TBCEL: variants seen among roughly 807,000 people sequenced by gnomAD.
The protein encoded by TBCEL is tubulin-specific chaperone cofactor E-like protein.
TBCEL carries 15 observed loss-of-function variants against 44.2 expected under a neutral mutation model. The observed-to-expected ratio is 0.34, with a 90% CI of 0.23 to 0.52. TBCEL has a LOEUF of 0.52. Among genes scored for constraint, TBCEL ranks in the 20% least tolerant of loss-of-function variants. The pLI, the probability that TBCEL is intolerant of heterozygous loss-of-function variation, is 0.95. For synonymous variants in TBCEL, 171 were observed against 185.4 expected (o/e 0.92, Z 0.63); for missense variants, 319 against 506.3 (o/e 0.63, Z 3.55).
At chr11:121,076,350 A>T (rs556564451) in intron 8 of TBCEL, among the ~76,000 whole-genome samples, 5 of 151,950 alleles carry the variant, frequency 3.3e-5, no homozygotes, top group South Asian at 2.1e-4. Flanking sequence ...TATTTTTTTT[A>T]AAAATGGTGT....
chr11:121,048,187 T>G (rs1945467614), intron 4 of TBCEL, among the ~76,000 whole-genome samples: 2 of 151,874 alleles, frequency 1.3e-5, no homozygotes, highest in Non-Finnish European at 2.9e-5. Flanking sequence ...CTACTTCTAC[T>G]TCAATATTTA....
At chr11:121,056,541 G>C (rs1018461457) in intron 6 of TBCEL, among the ~76,000 whole-genome samples, 1 of 151,766 alleles carries the variant, frequency 6.6e-6, no homozygotes, top group Non-Finnish European at 1.5e-5. Flanking sequence ...ATTATGATTA[G>C]TTTTATAAGA....
At chr11:121,060,834 T>G (rs1341438341) in intron 8 of TBCEL, among the ~76,000 whole-genome samples, 4 of 151,984 alleles carry the variant, frequency 2.6e-5, no homozygotes, top group Admixed American at 2.0e-4. Context: ...CCCATTTGAC[T>G]GGAGGAGTTT....
chr11:121,070,131 T>G (rs1945900603), intron 8 of TBCEL, among the ~76,000 whole-genome samples: 1 of 152,032 alleles, frequency 6.6e-6, no homozygotes, highest in African/African-American at 2.4e-5. Flanking sequence ...ATCAGAGAAA[T>G]GCAAATCAAA....
chr11:121,086,338 T>A (rs1436782168), intron 8 of TBCEL, among the ~76,000 whole-genome samples: 1 of 152,214 alleles, frequency 6.6e-6, no homozygotes, highest in Non-Finnish European at 1.5e-5. Flanking sequence ...ATGTTTTTGT[T>A]TATAAGTTAT....
chr11:121,037,405 A>G (rs924599852), intron 2 of TBCEL, among the ~76,000 whole-genome samples: 4 of 152,346 alleles, frequency 2.6e-5, no homozygotes, highest in Non-Finnish European at 5.9e-5. Context: ...CTCAAGGGTA[A>G]TAACTGAGAT....
intron 8 of TBCEL, among the ~76,000 whole-genome samples, chr11:121,074,103 C>G (rs1420141039): frequency 2.6e-5 from 4 of 151,886 alleles, no homozygotes; most frequent in Non-Finnish European, 5.9e-5. Flanking sequence ...GTAACTGTTT[C>G]ATTCAGATTT....
intron 1 of TBCEL, among the ~76,000 whole-genome samples, chr11:121,026,993 T>C (rs190674118): frequency 5.6e-4 from 86 of 152,336 alleles, no homozygotes; most frequent in Non-Finnish European, 9.6e-4. Context: ...TTCTAATTTT[T>C]GCCTCCAAAC....
At chr11:121,040,264 A>AGAATTTGGGTC (rs2134903865) in intron 2 of TBCEL, among the ~76,000 whole-genome samples, 1 of 152,322 alleles carries the variant, frequency 6.6e-6, no homozygotes, top group East Asian at 1.9e-4. Context: ...CAGAATCAGC[A>AGAATTTGGGTC]GAATTTGGGT....
At chr11:121,070,834 TA>T (rs1248859590) in intron 8 of TBCEL, among the ~76,000 whole-genome samples, 1,541 of 137,404 alleles carry the variant, frequency 0.011, 18 homozygotes, top group African/African-American at 0.031. Context: ...TTAAAGTATT[TA>T]AAAAAAAAAA....
At chr11:121,065,647 G>A (rs1945806967) in intron 8 of TBCEL, among the ~76,000 whole-genome samples, 2 of 152,204 alleles carry the variant, frequency 1.3e-5, no homozygotes, top group African/African-American at 4.8e-5. Context: ...CTAAAGCCTA[G>A]TTTATGGGGA....
intron 8 of TBCEL, among the ~76,000 whole-genome samples, chr11:121,067,144 C>T (rs1445172194): frequency 6.6e-6 from 1 of 152,032 alleles, no homozygotes. Context: ...AATAAAGAGC[C>T]GACATGATGA....
chr11:121,065,542 A>G (rs995602122), intron 8 of TBCEL, among the ~76,000 whole-genome samples: 5 of 152,226 alleles, frequency 3.3e-5, no homozygotes, highest in African/African-American at 1.2e-4. Flanking sequence ...CTAGAGCATC[A>G]AACCCTGTGC....
At chr11:121,065,844 T>C (rs1168046976) in intron 8 of TBCEL, among the ~76,000 whole-genome samples, 4 of 152,230 alleles carry the variant, frequency 2.6e-5, no homozygotes, top group African/African-American at 9.6e-5. Flanking sequence ...ATTGTTTCAT[T>C]ACTCCATGTC....
chr11:121,032,582 T>C (rs943969328), intron 1 of TBCEL, among the ~76,000 whole-genome samples: 1 of 152,230 alleles, frequency 6.6e-6, no homozygotes, highest in African/African-American at 2.4e-5. Flanking sequence ...GTGATCTAAT[T>C]GTGCATTTTC....
intron 2 of TBCEL, among the ~76,000 whole-genome samples, chr11:121,041,642 G>A (rs1945335334): frequency 6.6e-6 from 1 of 150,952 alleles, no homozygotes. Context: ...CAAAAACCTT[G>A]TAAAGGCCCT....
chr11:121,058,469 C>G lies in TBCEL; in HGVS notation c.837C>G (p.Ala279=), dbSNP rs551161276. 1.7e-5 allele frequency: 28 copies of G among 1,611,044 alleles called. No homozygotes were observed. Among genetic ancestry groups the G allele is most frequent in the Admixed American group, 6.7e-5 (4 of 59,890 alleles). The change falls in exon 7 of 9, where the codon GCC becomes GCG. Residue 279 remains alanine (A), a splice_region_variant and synonymous_variant. Transcript: ENST00000683345. ...AGGAGCGAAGGAAATTGGTAATAGC[C>G]AGGTCTGTTGTCCTGATCGTTTTGC... The part of the protein sequence containing the change: ...TTEERRKLVI[A]RLPSVSKLNG...
At chr11:121,068,811 C>T (rs746141533) in intron 8 of TBCEL, among the ~76,000 whole-genome samples, 3 of 151,016 alleles carry the variant, frequency 2.0e-5, no homozygotes, top group Non-Finnish European at 1.5e-5. Flanking sequence ...CACTTGAACC[C>T]GAGAGGCGGA....
chr11:121,072,374 A>T (rs1343249467), intron 8 of TBCEL, among the ~76,000 whole-genome samples: 1 of 152,210 alleles, frequency 6.6e-6, no homozygotes, highest in Non-Finnish European at 1.5e-5. Flanking sequence ...ATACTAAAAA[A>T]TATTGAGAGT....
Sources: gnomAD v4.1 joint callset for allele counts (sites outside exome capture counted in the v4.1 genomes callset) on GRCh38, gnomAD v4.1.1 for gene constraint, MANE v1.5 for transcripts, NCBI Gene and HGNC (gene_info 2026-07-23, HGNC 2026-07-21) for gene names.